Variants in CFAP74 observed in about 807,000 individuals in gnomAD.
The protein encoded by CFAP74 is cilia and flagella associated protein 74.
In CFAP74, 124 loss-of-function variants were observed where a neutral mutation model predicts 188.9. The observed-to-expected ratio is 0.66, with a 90% CI of 0.57 to 0.76. The LOEUF (loss-of-function observed/expected upper bound fraction) is 0.76, where lower values mean the gene tolerates loss of function less well. CFAP74 is among the 30% of genes least tolerant of loss of function. The pLI is 0.00. For missense variants in CFAP74, 2,198 were observed against 2,165.2 expected (o/e 1.02, Z -0.30); for synonymous variants, 956 against 916.7 (o/e 1.04, Z -0.77).
Position 1,955,851 on chromosome 1 carries a change from C to T in CFAP74, c.2017-1G>A. The T allele has an allele frequency of 1.9e-6, 3 of 1,607,222 alleles. No homozygotes were observed. The highest frequency in any genetic ancestry group is 2.6e-6 in the Non-Finnish European group (3 of 1,176,286). ...TATCTTCGTAGGTCAGGAGACTGCT[C>T]TAGAGAGGAGAATCAACATCCTGGC... is the stretch of plus-strand genomic sequence containing the variant. On this transcript the variant is annotated splice_acceptor_variant, in intron 17 of 38. Transcript: ENST00000682832. LOFTEE classifies it high-confidence loss of function.
At chr1:1,982,860 C>T (rs977131770) in intron 6 of CFAP74, among the ~76,000 whole-genome samples, 7 of 152,184 alleles carry the variant, frequency 4.6e-5, no homozygotes, top group South Asian at 2.1e-4. Context: ...CAGATGTGAA[C>T]GGGTGGTTTT....
chr1:2,000,583 G>A (rs1658159724), intron 1 of CFAP74, among the ~76,000 whole-genome samples: 1 of 152,194 alleles, frequency 6.6e-6, no homozygotes, highest in Non-Finnish European at 1.5e-5. Flanking sequence ...TGATGGCAGG[G>A]CCATGCTTCC....
At position 1,946,365 on chromosome 1, in the gene CFAP74, G is replaced by A. The variant is rs369881163; in HGVS notation, c.2316C>T (p.Asp772=). 13 of 1,536,788 alleles carry A rather than the reference G, an allele frequency of 8.5e-6. No individual in the cohort carries two copies. Among genetic ancestry groups the A allele is most frequent in the East Asian group, 2.4e-5 (1 of 40,934 alleles). Residue 772 remains aspartate (D), a synonymous_variant, in exon 20 of 39, where the codon GAC becomes GAT. Coordinates refer to ENST00000682832, the MANE Select transcript of CFAP74 (RefSeq NM_001304360.2). ...PIVFTPVVPG[D]VQARFKVTFK... The stretch of plus-strand genomic sequence containing the variant: ...ACGTGACTTTGAACCTGGCTTGGAC[G>A]TCGCCTGGGACGACCGGAGTGAAGA...
At chr1:1,992,306 C>T (rs995747163) in intron 1 of CFAP74, among the ~76,000 whole-genome samples, 10 of 152,034 alleles carry the variant, frequency 6.6e-5, no homozygotes, top group South Asian at 2.1e-4. Flanking sequence ...TAAGACTACA[C>T]GCACATGCCG....
chr1:1,946,217 C>T (rs376795407), intron 20 of CFAP74, 100 bp downstream of exon 20: 26 of 1,406,020 alleles, frequency 1.8e-5, no homozygotes, highest in Middle Eastern at 1.9e-4. Context: ...GCCATCCCTG[C>T]GTGGGCAAAT....
At chr1:1,982,840 A>G (rs1656994172) in intron 6 of CFAP74, among the ~76,000 whole-genome samples, 1 of 152,206 alleles carries the variant, frequency 6.6e-6, no homozygotes, top group Admixed American at 6.5e-5. Context: ...TTTGGTTGCA[A>G]TTGGAATTAC....
In CFAP74 at chr1:1,930,326, G is replaced by A; in HGVS notation, c.3022C>T (p.Leu1008=). The change falls in exon 26 of 39, where the codon CTG becomes TTG. Residue 1008 remains leucine, a synonymous_variant. Coordinates refer to ENST00000682832, the MANE Select transcript of CFAP74 (RefSeq NM_001304360.2). ...CKSEINRCFK[L]SCRAVGVHPP... ...TGGACGCCTACAGCCCGGCAAGACA[G>A]CTTGAAGCACCTGCAAGCAGCAGCA... is the stretch of plus-strand genomic sequence containing the variant. The A allele has an allele frequency of 6.6e-7, 1 of 1,522,216 alleles. No individual in the cohort carries two copies. Among genetic ancestry groups the A allele is most frequent in the Non-Finnish European group, 8.8e-7 (1 of 1,136,210 alleles). The allele number at this position is 1,522,216 out of a possible 1,614,324, so 94.3% of individuals were successfully genotyped here.
At chr1:1,952,341 G>A (rs2102057368) in intron 18 of CFAP74, among the ~76,000 whole-genome samples, 1 of 147,156 alleles carries the variant, frequency 6.8e-6, no homozygotes, top group East Asian at 2.0e-4. Flanking sequence ...TAAAAGGCTA[G>A]AGTATAAAAT....
At chr1:1,957,161 G>A (rs1654701065) in intron 16 of CFAP74, among the ~76,000 whole-genome samples, 1 of 152,216 alleles carries the variant, frequency 6.6e-6, no homozygotes, top group Admixed American at 6.5e-5. Context: ...GACCCAGGGA[G>A]CATCCTTCCA....
At chr1:1,974,927 G>A (rs1656341272) in intron 6 of CFAP74, among the ~76,000 whole-genome samples, 1 of 152,220 alleles carries the variant, frequency 6.6e-6, no homozygotes, top group South Asian at 2.1e-4. Flanking sequence ...GAGGCGGCCT[G>A]GAAAGAGACA....
At chr1:1,981,563 A>G (rs6656545) in intron 6 of CFAP74, among the ~76,000 whole-genome samples, 15,285 of 71,132 alleles carry the variant, frequency 0.21, 2,443 homozygotes, top group Middle Eastern at 0.37. Context: ...CGGGGGGCAC[A>G]CAGGACACCC....
intron 18 of CFAP74, among the ~76,000 whole-genome samples, chr1:1,948,151 G>A (rs142704570): frequency 2.1e-4 from 32 of 152,224 alleles, no homozygotes; most frequent in African/African-American, 3.9e-4. Flanking sequence ...GATTACAGGC[G>A]TGAGCCACTG....
chr1:2,002,038 G>A (rs1002655480), intron 1 of CFAP74, among the ~76,000 whole-genome samples: 4 of 152,170 alleles, frequency 2.6e-5, no homozygotes, highest in African/African-American at 2.4e-5. Flanking sequence ...CTGGCAAAGC[G>A]TGTTTGACAG....
rs754033088 is a variant in CFAP74, at chr1:1,974,095, C to G, written c.604G>C (p.Ala202Pro). 1 of 1,612,314 alleles carries G rather than the reference C, an allele frequency of 6.2e-7. No individual in the cohort carries two copies. Among genetic ancestry groups the G allele is most frequent in the Non-Finnish European group, 8.5e-7 (1 of 1,179,170 alleles). Residue 202 changes from alanine (A) to proline (P), a missense_variant, in exon 7 of 39, where the codon GCA becomes CCA. Coordinates refer to ENST00000682832, the MANE Select transcript of CFAP74 (RefSeq NM_001304360.2). ...TGCTCTCTGCAGAGCTGCTCGGCTGCGCGCACCTGGAGCCGCCGCCCCGTG... is the reference window on the plus strand; with the variant it reads ...TGCTCTCTGCAGAGCTGCTCGGCTGGGCGCACCTGGAGCCGCCGCCCCGTG... ...EATGRRLQVRAAEQLCREQEA... is the reference protein window; with the variant it reads ...EATGRRLQVRPAEQLCREQEA...
At chr1:1,939,172 G>C (rs1653176134) in intron 24 of CFAP74, among the ~76,000 whole-genome samples, 184 bp from the exon 25 acceptor site, 1 of 152,244 alleles carries the variant, frequency 6.6e-6, no homozygotes, top group Non-Finnish European at 1.5e-5. Flanking sequence ...ATGTGTATGA[G>C]TGCATGAGCA....
intron 25 of CFAP74, among the ~76,000 whole-genome samples, chr1:1,938,063 TAC>T (rs1395592617): frequency 7.0e-6 from 1 of 142,022 alleles, no homozygotes; most frequent in Non-Finnish European, 1.5e-5. Flanking sequence ...CACTCAACCT[TAC>T]ACACCCAACA....
At chr1:1,987,573 C>T (rs1312350513) in intron 4 of CFAP74, among the ~76,000 whole-genome samples, 1 of 151,628 alleles carries the variant, frequency 6.6e-6, no homozygotes, top group Non-Finnish European at 1.5e-5. Context: ...GACAGAGCCT[C>T]GCTTGTCACC....
chr1:1,966,468 T>G lies in CFAP74; in HGVS notation c.1304A>C (p.Glu435Ala). ...GGCCCCGGGGTCCCCCTGGATAAGC[T>G]CACTGGAAACGACTTCCAGCAACCG... ...PSRLLEVVSS[E>A]LIQGDPGASS... Residue 435 changes from glutamate (E) to alanine (A), a missense_variant, in exon 12 of 39, where the codon GAG becomes GCG. Coordinates refer to ENST00000682832, the MANE Select transcript of CFAP74 (RefSeq NM_001304360.2). 1 of 1,603,954 alleles carries G rather than the reference T, an allele frequency of 6.2e-7. No homozygotes were observed. The highest frequency in any genetic ancestry group is 8.5e-7 in the Non-Finnish European group (1 of 1,174,210).
At chr1:1,996,349 G>A (rs1657911979) in intron 1 of CFAP74, among the ~76,000 whole-genome samples, 1 of 152,152 alleles carries the variant, frequency 6.6e-6, no homozygotes, top group Non-Finnish European at 1.5e-5. Flanking sequence ...GCGTCAGAAA[G>A]AAAGGCAGGA....
Sources: allele counts gnomAD v4.1 joint callset (sites outside exome capture counted in the v4.1 genomes callset), GRCh38; gene constraint gnomAD v4.1.1; transcripts MANE v1.5; gene names NCBI Gene and HGNC (gene_info 2026-07-23, HGNC 2026-07-21).